The following TNFRSF21 variants were observed in gnomAD, a reference collection of about 807,000 sequenced individuals.
TNFRSF21 encodes TNF receptor superfamily member 21.
In TNFRSF21, 19 loss-of-function variants were observed where a neutral mutation model predicts 45.6. The observed-to-expected ratio is 0.42, with a 90% CI of 0.29 to 0.61. TNFRSF21 has a LOEUF of 0.61. Ranked by LOEUF, TNFRSF21 falls within the 20% of genes least tolerant of loss-of-function variation. The pLI, the probability that TNFRSF21 is intolerant of heterozygous loss-of-function variation, is 0.23. For synonymous variants in TNFRSF21, 314 were observed against 335.5 expected (o/e 0.94, Z 0.70); for missense variants, 737 against 851.5 (o/e 0.87, Z 1.67).
chr6:47,284,553 G>A, intron 2 of TNFRSF21, 121 bp from the exon 3 acceptor site: 1 of 1,169,332 alleles, frequency 8.6e-7, no homozygotes, highest in Non-Finnish European at 1.1e-6. Context: ...GACCCTTGGG[G>A]CTTAAGAATA....
rs192698879 is a variant in TNFRSF21, at chr6:47,272,125, A to C, written c.1243+11813T>G. Among the ~76,000 whole-genome samples, 145 of 152,288 alleles carry C rather than the reference A, an allele frequency of 9.5e-4. 1 individual carries two copies. Among genetic ancestry groups the C allele is most frequent in the African/African-American group, 3.1e-3 (130 of 41,554 alleles). ...AGATCAACGAAACAGAAGGGTAACAAGGATATCCAGACTTGAACTCAGCTC... is the reference window on the plus strand; with the variant it reads ...AGATCAACGAAACAGAAGGGTAACACGGATATCCAGACTTGAACTCAGCTC... On this transcript the variant is annotated intron_variant, in intron 3 of 5. Coordinates refer to ENST00000296861, the MANE Select transcript of TNFRSF21 (RefSeq NM_014452.5).
At chr6:47,306,739 C>T (rs1409515452) in intron 1 of TNFRSF21, among the ~76,000 whole-genome samples, 2 of 151,808 alleles carry the variant, frequency 1.3e-5, no homozygotes, top group Non-Finnish European at 1.5e-5. Flanking sequence ...AGTCATAACA[C>T]AAAAATGATG....
chr6:47,290,021 A>G (rs1212137347), intron 1 of TNFRSF21, among the ~76,000 whole-genome samples: 2 of 152,100 alleles, frequency 1.3e-5, no homozygotes, highest in African/African-American at 4.8e-5. Context: ...ACAAAAGAGT[A>G]TCAACGACAG....
intron 4 of TNFRSF21, among the ~76,000 whole-genome samples, chr6:47,238,971 C>CTGTACTTTGATT (rs1764704731): frequency 6.6e-6 from 1 of 152,174 alleles, no homozygotes; most frequent in African/African-American, 2.4e-5. Context: ...AGTACCCACT[C>CTGTACTTTGATT]TGGATGCTTA....
intron 1 of TNFRSF21, among the ~76,000 whole-genome samples, chr6:47,301,376 T>C (rs1762862813): frequency 1.3e-5 from 2 of 152,244 alleles, no homozygotes; most frequent in Admixed American, 6.5e-5. Flanking sequence ...ACCTTGTCTA[T>C]TTTGTTATTT....
intron 3 of TNFRSF21, among the ~76,000 whole-genome samples, chr6:47,278,128 C>T (rs752682470): frequency 6.6e-6 from 1 of 152,190 alleles, no homozygotes; most frequent in African/African-American, 2.4e-5. Flanking sequence ...TCAGTTTTTG[C>T]ATATTTTAAA....
chr6:47,272,716 T>G (rs544558153), intron 3 of TNFRSF21, among the ~76,000 whole-genome samples: 2 of 152,100 alleles, frequency 1.3e-5, no homozygotes, highest in Non-Finnish European at 2.9e-5. Flanking sequence ...AAAAAATCAA[T>G]GAATCCAGGA....
intron 1 of TNFRSF21, among the ~76,000 whole-genome samples, chr6:47,302,189 GATAAACCACAC>G (rs531047403): frequency 6.6e-6 from 1 of 152,164 alleles, no homozygotes; most frequent in Non-Finnish European, 1.5e-5. Context: ...CAGTCAGTAT[GATAAACCACAC>G]ACAAACACAT....
chr6:47,268,138 C>A (rs932307826), intron 3 of TNFRSF21, among the ~76,000 whole-genome samples: 1 of 152,182 alleles, frequency 6.6e-6, no homozygotes, highest in Non-Finnish European at 1.5e-5. Flanking sequence ...TGCCTGAGAG[C>A]CAGTCCAGGC....
At chr6:47,266,550 T>C (rs1401665078) in intron 3 of TNFRSF21, among the ~76,000 whole-genome samples, 1 of 152,220 alleles carries the variant, frequency 6.6e-6, no homozygotes, top group Non-Finnish European at 1.5e-5. Flanking sequence ...AAGCAAATTA[T>C]GTCTTGTTTG....
intron 4 of TNFRSF21, among the ~76,000 whole-genome samples, chr6:47,238,653 A>T (rs1172042103): frequency 2.0e-5 from 3 of 152,232 alleles, no homozygotes; most frequent in African/African-American, 7.2e-5. Flanking sequence ...GAAGAAAGAT[A>T]AATGGTTCAA....
intron 3 of TNFRSF21, 54 bp downstream of exon 3, chr6:47,283,884 A>AG: frequency 6.4e-7 from 1 of 1,559,290 alleles, no homozygotes; most frequent in Non-Finnish European, 8.7e-7. Context: ...AACAGGGACT[A>AG]GGGAAAAAGT....
chr6:47,241,228 G>T (rs1764738967), intron 4 of TNFRSF21, among the ~76,000 whole-genome samples: 1 of 152,040 alleles, frequency 6.6e-6, no homozygotes, highest in Non-Finnish European at 1.5e-5. Flanking sequence ...ATAAATAAGG[G>T]TTCATATAAT....
In TNFRSF21 at chr6:47,246,056, T is replaced by C. The variant is rs142984874; in HGVS notation, c.1509+7200A>G. On this transcript the variant is annotated intron_variant, in intron 4 of 5. Transcript: ENST00000296861. ...CTCCCACCAGGCCCCACCTCCAACA[T>C]TGGGAATTACAATTCAACATGAGGT... Among the ~76,000 whole-genome samples, 866 of 152,242 alleles carry C rather than the reference T, an allele frequency of 5.7e-3. 5 individuals are homozygous for C. Among genetic ancestry groups the C allele is most frequent in the Non-Finnish European group, 7.4e-3 (504 of 68,014 alleles).
intron 3 of TNFRSF21, among the ~76,000 whole-genome samples, chr6:47,269,411 A>G (rs965116274): frequency 2.0e-5 from 3 of 152,234 alleles, no homozygotes; most frequent in Non-Finnish European, 4.4e-5. Flanking sequence ...TTAAATAAAA[A>G]CATCACAAGT....
rs535238042 is a variant in TNFRSF21 at position 47,267,336 on chromosome 6, G to A, written c.1244-13815C>T. On this transcript the variant is annotated intron_variant, in intron 3 of 5. Coordinates refer to ENST00000296861, the MANE Select transcript of TNFRSF21 (RefSeq NM_014452.5). ...GCTGGTCTCGAACTCCTGACCTCAA[G>A]TGATCAGCCCGCCTCAGCCTCCCAA... Among the ~76,000 whole-genome samples the A allele has an allele frequency of 1.2e-4, 18 of 152,198 alleles. No homozygotes were observed. The South Asian group carries it at 3.7e-3, about 32-fold the overall frequency.
intron 1 of TNFRSF21, among the ~76,000 whole-genome samples, chr6:47,300,598 T>G (rs1251287342): frequency 6.6e-6 from 1 of 152,216 alleles, no homozygotes; most frequent in Non-Finnish European, 1.5e-5. Context: ...TAAAGGATCC[T>G]GTATGATATG....
chr6:47,308,120 T>G (rs1291429696), intron 1 of TNFRSF21, among the ~76,000 whole-genome samples: 1 of 152,246 alleles, frequency 6.6e-6, no homozygotes, highest in East Asian at 1.9e-4. Flanking sequence ...GAAAAGAGTT[T>G]CTGAAGGGAG....
Position 47,234,786 on chromosome 6 carries a change from G to A in TNFRSF21, c.1622C>T (p.Ser541Phe), listed in dbSNP as rs1240415872. 5 of 1,598,240 alleles carry A rather than the reference G, an allele frequency of 3.1e-6. No individual in the cohort carries two copies. In the African/African-American group the frequency reaches 5.4e-5, roughly 17 times the overall value. Residue 541 changes from serine (S) to phenylalanine (F), a missense_variant, in exon 5 of 6, where the codon TCC (serine) becomes TTC (phenylalanine). By Grantham distance (155) the Ser-to-Phe change is radical (BLOSUM62 -2). Coordinates refer to ENST00000296861, the MANE Select transcript of TNFRSF21 (RefSeq NM_014452.5). ...GAAGCCCTTGTTCTTGTCCTGTGGGGAAGGCTCCACCGTCAGGAGAGCGGA... is the reference window on the plus strand; with the variant it reads ...GAAGCCCTTGTTCTTGTCCTGTGGGAAAGGCTCCACCGTCAGGAGAGCGGA... ...ENSALLTVEP[S>F]PQDKNKGFFV...
Sources: allele counts gnomAD v4.1 joint callset (sites outside exome capture counted in the v4.1 genomes callset), GRCh38; gene constraint gnomAD v4.1.1; transcripts MANE v1.5; gene names NCBI Gene and HGNC (gene_info 2026-07-23, HGNC 2026-07-21).